The following GCNT4 variants were observed in gnomAD, a reference collection of about 807,000 sequenced individuals.
GCNT4 encodes glucosaminyl (N-acetyl) transferase 4, also known as beta-1,3-galactosyl-O-glycosyl-glycoprotein beta-1,6-N-acetylglucosaminyltransferase 4.
Under a neutral mutation model 31.3 loss-of-function variants are expected in GCNT4, and 17 were observed. The observed-to-expected ratio is 0.54, with a 90% CI of 0.37 to 0.81. The LOEUF (loss-of-function observed/expected upper bound fraction) is 0.81, where lower values mean the gene tolerates loss of function less well. Ranked by LOEUF, GCNT4 falls within the 40% of genes least tolerant of loss-of-function variation. The pLI, the probability that GCNT4 is intolerant of heterozygous loss-of-function variation, is 0.00. For synonymous variants in GCNT4, 158 were observed against 190.6 expected (o/e 0.83, Z 1.41); for missense variants, 503 against 525.5 (o/e 0.96, Z 0.42).
At chr5:75,048,648 A>G (rs144465326) in intron 2 of GCNT4, among the ~76,000 whole-genome samples, 1 of 152,226 alleles carries the variant, frequency 6.6e-6, no homozygotes, top group Non-Finnish European at 1.5e-5. Flanking sequence ...CCTTGTTTCT[A>G]TGAATAGTAC....
At chr5:75,037,738 C>T (rs1743230001) in intron 3 of GCNT4, among the ~76,000 whole-genome samples, 1 of 151,768 alleles carries the variant, frequency 6.6e-6, no homozygotes, top group African/African-American at 2.4e-5. Context: ...ATTAGCCGGG[C>T]ATGGTGGCAC....
At chr5:75,025,319 G>A (rs1345881566), downstream of GCNT4, 1 of 152,174 alleles carries the variant, frequency 6.6e-6, no homozygotes, top group Non-Finnish European at 1.5e-5. Context: ...CAAAACCAGA[G>A]AAAGGAAAGC....
intron 3 of GCNT4, among the ~76,000 whole-genome samples, chr5:75,038,233 G>GA (rs1344501899): frequency 2.6e-5 from 4 of 151,914 alleles, no homozygotes; most frequent in East Asian, 3.9e-4. Context: ...TTTTCTACAG[G>GA]AAAAAAACCA....
chr5:75,053,789 GA>G (rs985583368), upstream of GCNT4, among the ~76,000 whole-genome samples: 1 of 152,140 alleles, frequency 6.6e-6, no homozygotes, highest in African/African-American at 2.4e-5. Flanking sequence ...CCGCGCTTCG[GA>G]CAAAGTTCTC....
rs932209986 is a variant in GCNT4, at chr5:75,047,943, C to T, written c.-48G>A. On this transcript the variant is annotated 5_prime_UTR_variant, in exon 3 of 4. Coordinates refer to ENST00000652361, the MANE Select transcript of GCNT4 (RefSeq NM_001366737.1). ...AACCCCAGGCTGATGGTATAAACAG[C>T]GTAGGGAAAGGAACATCACCGTCAG... The T allele has an allele frequency of 6.6e-6, 1 of 152,088 alleles. No homozygotes were observed. The highest frequency in any genetic ancestry group is 6.5e-5 in the Admixed American group (1 of 15,276). The allele number at this position is 152,088 out of a possible 1,614,324, so 9.4% of individuals were successfully genotyped here. A position where few individuals can be genotyped will look rare whatever the true frequency, so the allele number is the denominator to read the frequency against.
chr5:75,027,330 C>T lies in GCNT4; in HGVS notation c.*1346G>A, dbSNP rs770123047. Reference sequence around the variant, plus strand: ...ATTATATGTATATATAATATATATTCATATACAATATATGTATATATAATA... The same window carrying T: ...ATTATATGTATATATAATATATATTTATATACAATATATGTATATATAATA... On this transcript the variant is annotated 3_prime_UTR_variant, in exon 4 of 4. Coordinates refer to ENST00000652361, the MANE Select transcript of GCNT4 (RefSeq NM_001366737.1). The T allele has an allele frequency of 1.5e-3, 69 of 44,868 alleles. No individual in the cohort carries two copies. The highest frequency in any genetic ancestry group is 2.6e-3 in the South Asian group (4 of 1,546). The allele number at this position is 44,868 out of a possible 1,614,324, so 2.8% of individuals were successfully genotyped here.
upstream of GCNT4, among the ~76,000 whole-genome samples, chr5:75,053,215 GCGCC>G: frequency 8.5e-6 from 1 of 117,280 alleles, no homozygotes; most frequent in East Asian, 2.3e-4. Context: ...TGCTAGGCGC[GCGCC>G]GGGTCGCCCA....
intron 3 of GCNT4, among the ~76,000 whole-genome samples, chr5:75,037,949 A>C (rs975839625): frequency 3.6e-5 from 2 of 55,570 alleles, no homozygotes; most frequent in Non-Finnish European, 6.0e-5. Context: ...CACTTTCATT[A>C]AAAAAAAAAA....
At chr5:75,046,633 A>G (rs1319104789) in intron 3 of GCNT4, among the ~76,000 whole-genome samples, 1 of 152,172 alleles carries the variant, frequency 6.6e-6, no homozygotes, top group Non-Finnish European at 1.5e-5. Context: ...CAATTCTCCA[A>G]AGGGTCATCC....
rs762625508 is a variant in GCNT4, at chr5:75,025,830, A to T, written c.*2846T>A. Reference sequence around the variant, plus strand: ...TATTTTGGTAGCTCTTTCATTATTAATATTATTTAATATCCACATACAGTT... The same window carrying T: ...TATTTTGGTAGCTCTTTCATTATTATTATTATTTAATATCCACATACAGTT... On this transcript the variant is annotated 3_prime_UTR_variant, in exon 4 of 4. Coordinates refer to ENST00000652361, the MANE Select transcript of GCNT4 (RefSeq NM_001366737.1). The T allele has an allele frequency of 2.0e-5, 3 of 152,216 alleles. No homozygotes were observed. The highest frequency in any genetic ancestry group is 7.2e-5 in the African/African-American group (3 of 41,444). 9.4% of individuals were successfully genotyped at this position (152,216 alleles called of 1,614,324 possible).
chr5:75,023,648 T>C (rs1742907581), downstream of GCNT4, among the ~76,000 whole-genome samples: 1 of 152,176 alleles, frequency 6.6e-6, no homozygotes. Flanking sequence ...TGTAAAAATA[T>C]TGGCAGTGCG....
At chr5:75,048,770 A>G (rs1310984880) in intron 2 of GCNT4, among the ~76,000 whole-genome samples, 1 of 152,190 alleles carries the variant, frequency 6.6e-6, no homozygotes, top group Admixed American at 6.5e-5. Flanking sequence ...ATGTCTGGCT[A>G]CATCCCTCTG....
chr5:75,030,155 G>T, intron 3 of GCNT4, 117 bp from the exon 4 acceptor site: 2 of 917,314 alleles, frequency 2.2e-6, no homozygotes, highest in Non-Finnish European at 3.3e-6. Context: ...AAAGATGAAT[G>T]AAACAAGGTT....
Position 75,028,301 on chromosome 5 carries a change from T to C in GCNT4, c.*375A>G. The C allele has an allele frequency of 5.3e-6, 1 of 187,106 alleles. No homozygotes were observed. The highest frequency in any genetic ancestry group is 1.1e-5 in the Non-Finnish European group (1 of 90,898). 11.6% of individuals were successfully genotyped at this position (187,106 alleles called of 1,614,324 possible). ...GACGATTACCACAAACTTCAAAAGCTTCTTCAGTAGAATCCTGACTGTTAT... is the reference window on the plus strand; with the variant it reads ...GACGATTACCACAAACTTCAAAAGCCTCTTCAGTAGAATCCTGACTGTTAT... On this transcript the variant is annotated 3_prime_UTR_variant, in exon 4 of 4. Coordinates refer to ENST00000652361, the MANE Select transcript of GCNT4 (RefSeq NM_001366737.1).
intron 3 of GCNT4, among the ~76,000 whole-genome samples, chr5:75,032,586 C>G (rs948299736): frequency 6.6e-6 from 1 of 152,216 alleles, no homozygotes; most frequent in Non-Finnish European, 1.5e-5. Context: ...CAAGTCCAGA[C>G]AGCATCTTTG....
chr5:75,033,681 T>TTATTTA lies in GCNT4; in HGVS notation c.-1-3644_-1-3643insTAAATA, dbSNP rs1561374536. Among the ~76,000 whole-genome samples the TTATTTA allele has an allele frequency of 6.7e-3, 888 of 131,654 alleles. 2 individuals carry two copies. The highest frequency in any genetic ancestry group is 0.016 in the Middle Eastern group (4 of 256). 86.4% of individuals were successfully genotyped at this position (131,654 alleles called of 152,430 possible). On this transcript the variant is annotated intron_variant, in intron 3 of 3. Transcript: ENST00000652361. ...TATTTATTTATTTATTTATTTTTTTTTTTTTACTTTAAGTTCTGGGATACA... is the reference window on the plus strand; with the variant it reads ...TATTTATTTATTTATTTATTTTTTTTTATTTATTTTTACTTTAAGTTCTGGGATACA...
intron 3 of GCNT4, among the ~76,000 whole-genome samples, chr5:75,033,673 A>ATTTTT (rs772607869): frequency 6.9e-6 from 1 of 145,460 alleles, no homozygotes; most frequent in Non-Finnish European, 1.5e-5. Flanking sequence ...TTATTTATTT[A>ATTTTT]TTTTTTTTTT....
At chr5:75,031,687 G>A (rs865821944) in intron 3 of GCNT4, among the ~76,000 whole-genome samples, 1 of 152,172 alleles carries the variant, frequency 6.6e-6, no homozygotes, top group Non-Finnish European at 1.5e-5. Flanking sequence ...ACTTATCACT[G>A]AATATCTTTT....
downstream of GCNT4, among the ~76,000 whole-genome samples, chr5:75,024,950 C>CAAAAAAAAAA: frequency 2.5e-5 from 1 of 40,538 alleles, no homozygotes; most frequent in Non-Finnish European, 4.9e-5. Flanking sequence ...GACTCCATCT[C>CAAAAAAAAAA]AAAAAAAAAA....
Sources: allele counts gnomAD v4.1 joint callset (sites outside exome capture counted in the v4.1 genomes callset), GRCh38; gene constraint gnomAD v4.1.1; transcripts MANE v1.5; gene names NCBI Gene and HGNC (gene_info 2026-07-23, HGNC 2026-07-21).